The following NEURL1 variants were observed in gnomAD, a reference collection of about 807,000 sequenced individuals.
NEURL1 encodes E3 ubiquitin-protein ligase NEURL1.
In NEURL1, 26 loss-of-function variants were observed where a neutral mutation model predicts 41.2. That is an observed-to-expected ratio of 0.63 (90% confidence interval 0.46 to 0.87). The LOEUF is 0.87. Ranked by LOEUF, NEURL1 falls within the 40% of genes least tolerant of loss-of-function variation. The pLI is 0.00. For missense variants in NEURL1, 761 were observed against 871.1 expected (o/e 0.87, Z 1.59); for synonymous variants, 400 against 402.3 (o/e 0.99, Z 0.07).
chr10:103,533,950 C>T (rs1238682795), intron 1 of NEURL1, among the ~76,000 whole-genome samples: 6 of 152,176 alleles, frequency 3.9e-5, no homozygotes, highest in Middle Eastern at 6.8e-3. Flanking sequence ...GGATTACAGG[C>T]GTGAACCACC....
intron 1 of NEURL1, among the ~76,000 whole-genome samples, chr10:103,495,247 C>T (rs1233065161): frequency 6.6e-6 from 1 of 152,190 alleles, no homozygotes; most frequent in Non-Finnish European, 1.5e-5. Flanking sequence ...TGGGTCCTCC[C>T]GGGCCCTCAG....
At chr10:103,522,424 G>A (rs996460166) in intron 1 of NEURL1, among the ~76,000 whole-genome samples, 3 of 150,122 alleles carry the variant, frequency 2.0e-5, no homozygotes, top group Non-Finnish European at 4.4e-5. Context: ...CCTGACCAAC[G>A]TGAAGAAACC....
chr10:103,533,047 C>G (rs983655021), intron 1 of NEURL1, among the ~76,000 whole-genome samples: 3 of 150,240 alleles, frequency 2.0e-5, no homozygotes, highest in Non-Finnish European at 3.0e-5. Context: ...CTGCCTCAGC[C>G]TCCCGAGTAG....
At chr10:103,505,872 A>G (rs1301376680) in intron 1 of NEURL1, among the ~76,000 whole-genome samples, 1 of 152,218 alleles carries the variant, frequency 6.6e-6, no homozygotes, top group Non-Finnish European at 1.5e-5. Flanking sequence ...ATCATTAAGT[A>G]GCTGCTTCCT....
chr10:103,579,939 C>G (rs184924857), intron 3 of NEURL1, among the ~76,000 whole-genome samples: 1 of 152,066 alleles, frequency 6.6e-6, no homozygotes, highest in Non-Finnish European at 1.5e-5. Context: ...GAGCGAGACC[C>G]CGTATCAAAA....
intron 1 of NEURL1, among the ~76,000 whole-genome samples, chr10:103,518,091 A>G (rs2034258487): frequency 6.6e-6 from 1 of 152,206 alleles, no homozygotes; most frequent in South Asian, 2.1e-4. Flanking sequence ...GCCAAGAGCC[A>G]TGGACTGGGA....
rs572182168 is a variant in NEURL1 at position 103,514,084 on chromosome 10, T to C, written c.85+19612T>C. ...CAGGAGGTCTCCTGGATGAACTGAG[T>C]TGGGGATGTTTCTTTTTCTTTTTTT... On this transcript the variant is annotated intron_variant, in intron 1 of 5. Coordinates refer to ENST00000369780, the MANE Select transcript of NEURL1 (RefSeq NM_004210.5). 4.6e-5 allele frequency among the ~76,000 whole-genome samples: 7 copies of C among 152,094 alleles called. No individual in the cohort carries two copies. In the East Asian group the frequency reaches 1.4e-3, roughly 29 times the overall value.
chr10:103,567,764 C>T (rs2035456881), intron 1 of NEURL1, among the ~76,000 whole-genome samples: 3 of 152,138 alleles, frequency 2.0e-5, no homozygotes, highest in Non-Finnish European at 4.4e-5. Context: ...CTCTTACGTC[C>T]CTTTCTTACT....
intron 1 of NEURL1, among the ~76,000 whole-genome samples, chr10:103,562,177 G>A (rs557436218): frequency 1.3e-5 from 2 of 152,332 alleles, no homozygotes; most frequent in East Asian, 3.9e-4. Flanking sequence ...GAGGTCAGGA[G>A]TTCGAGACCA....
intron 1 of NEURL1, among the ~76,000 whole-genome samples, chr10:103,557,538 A>C (rs1288134821): frequency 6.6e-6 from 1 of 152,180 alleles, no homozygotes; most frequent in African/African-American, 2.4e-5. Context: ...CCGCCCTCCC[A>C]GGCGGGGCCT....
intron 3 of NEURL1, among the ~76,000 whole-genome samples, chr10:103,582,197 CCTCT>C (rs1307163438): frequency 1.3e-5 from 2 of 152,122 alleles, no homozygotes; most frequent in South Asian, 2.1e-4. Context: ...TGCCCCTTCC[CCTCT>C]CTGTCTCCCA....
In NEURL1 at chr10:103,494,421, C is replaced by T. The variant is rs2033630882; in HGVS notation, c.34C>T (p.Pro12Ser). The T allele has an allele frequency of 1.3e-6, 2 of 1,599,040 alleles. No homozygotes were observed. The highest frequency in any genetic ancestry group is 1.7e-5 in the Admixed American group (1 of 58,512). Residue 12 changes from proline to serine, a missense_variant, in exon 1 of 6, where the codon CCC becomes TCC. By Grantham distance (74) the Pro-to-Ser change is moderately conservative. Around this residue, in one of 5 missense-constraint regions of NEURL1, gnomAD observed 94 missense variants for 96.6 expected, o/e 0.97. Transcript: ENST00000369780. ...GNNFSSIPSL[P>S]RGNPSRAPRG... ...CAACTTCTCCAGTATCCCCTCGCTG[C>T]CCCGAGGAAACCCGAGCCGCGCGCC... is the stretch of plus-strand genomic sequence containing the variant.
chr10:103,561,502 G>A (rs2133872805), intron 1 of NEURL1, among the ~76,000 whole-genome samples: 1 of 152,264 alleles, frequency 6.6e-6, no homozygotes, highest in Non-Finnish European at 1.5e-5. Context: ...GACCTCAGGT[G>A]ATCTGCCCAC....
rs1376358922 is a variant in NEURL1 at position 103,592,465 on chromosome 10, A to AC, written c.*2095dup. On this transcript the variant is annotated 3_prime_UTR_variant, in exon 6 of 6. Coordinates refer to ENST00000369780, the MANE Select transcript of NEURL1 (RefSeq NM_004210.5). This position sits in a 1 kb window ranked among gnomAD's most constrained non-coding sequence, Gnocchi z 4.8. ...GGGGAGAGGAAGCCATCATCTCATTACCTCTGTCAGTGCAGGGGTGGCTGC... is the reference window on the plus strand; with the variant it reads ...GGGGAGAGGAAGCCATCATCTCATTACCCTCTGTCAGTGCAGGGGTGGCTGC... 1 of 152,544 alleles carries AC rather than the reference A, an allele frequency of 6.6e-6. No homozygotes were observed. The highest frequency in any genetic ancestry group is 1.5e-5 in the Non-Finnish European group (1 of 68,064). The allele number at this position is 152,544 out of a possible 1,614,324, so 9.4% of individuals were successfully genotyped here. A position where few individuals can be genotyped will look rare whatever the true frequency, so the allele number is the denominator to read the frequency against.
chr10:103,524,348 C>T (rs1224849965), intron 1 of NEURL1, among the ~76,000 whole-genome samples: 1 of 152,016 alleles, frequency 6.6e-6, no homozygotes, highest in Admixed American at 6.6e-5. Flanking sequence ...GATATTAACC[C>T]CTTGTCAGAT....
rs576382849 is a variant in NEURL1 at position 103,590,801 on chromosome 10, G to A, written c.*429G>A. The A allele has an allele frequency of 2.2e-5, 5 of 231,958 alleles. No individual in the cohort carries two copies. The highest frequency in any genetic ancestry group is 2.1e-4 in the Admixed American group (4 of 19,418). 14.4% of individuals were successfully genotyped at this position (231,958 alleles called of 1,614,324 possible). A position where few individuals can be genotyped will look rare whatever the true frequency, so the allele number is the denominator to read the frequency against. ...AGCCCTGAGCCAGGACATGTGGCCT[G>A]GCTAGTGCAGCATGGAGTGGATTTT... On this transcript the variant is annotated 3_prime_UTR_variant, in exon 6 of 6. Coordinates refer to ENST00000369780, the MANE Select transcript of NEURL1 (RefSeq NM_004210.5).
intron 1 of NEURL1, among the ~76,000 whole-genome samples, chr10:103,516,240 A>AAAG (rs1283270296): frequency 4.0e-5 from 6 of 150,936 alleles, no homozygotes; most frequent in African/African-American, 7.3e-5. Context: ...AAAAAAAAAA[A>AAAG]AAAAGAAAAG....
rs191433614 is a variant in NEURL1 at position 103,573,109 on chromosome 10, G to A, written c.649+1287G>A. On this transcript the variant is annotated intron_variant, in intron 3 of 5. Transcript: ENST00000369780. ...AAACAAAGAAATGAGTCAGAAGCCT[G>A]TTTGTTGAGTTCCAAACATCAGGAA... Among the ~76,000 whole-genome samples, 703 of 152,238 alleles carry A rather than the reference G, an allele frequency of 4.6e-3. 3 individuals are homozygous for A. Among genetic ancestry groups the A allele is most frequent in the Non-Finnish European group, 7.7e-3 (527 of 68,030 alleles).
At chr10:103,561,285 GA>G (rs2035287175) in intron 1 of NEURL1, among the ~76,000 whole-genome samples, 1 of 148,304 alleles carries the variant, frequency 6.7e-6, no homozygotes, top group South Asian at 2.1e-4. Context: ...TTTCGAGACA[GA>G]GTCTCACTCT....
Sources: gnomAD v4.1 joint callset for allele counts (sites outside exome capture counted in the v4.1 genomes callset) on GRCh38, gnomAD v4.1.1 for gene constraint, gnomAD v4.1.1 regional missense constraint, Gnocchi (gnomAD v3.1) non-coding constraint, MANE v1.5 for transcripts, NCBI Gene and HGNC (gene_info 2026-07-23, HGNC 2026-07-21) for gene names.